PSMG2: variants seen among roughly 807,000 people sequenced by gnomAD.
PSMG2 encodes CD40 ligand-activated specific transcript 3.
Under a neutral mutation model 31.5 loss-of-function variants are expected in PSMG2, and 21 were observed. The ratio of observed to expected loss-of-function variants is 0.67; its 90% CI spans 0.47 to 0.96. The LOEUF (loss-of-function observed/expected upper bound fraction) is 0.96, where lower values mean the gene tolerates loss of function less well. Ranked by LOEUF, PSMG2 falls within the 40% of genes least tolerant of loss-of-function variation. The pLI is 0.00. For synonymous variants in PSMG2, 120 were observed against 110.4 expected, an observed-to-expected ratio of 1.09 and a Z score of -0.54; for missense variants, 318 against 321.2, an observed-to-expected ratio of 0.99 and a Z score of 0.08.
chr18:12,673,276 T>C (rs2038993863), intron 1 of PSMG2: 7 of 1,485,768 alleles, frequency 4.7e-6, no homozygotes, highest in Non-Finnish European at 6.2e-6. Flanking sequence ...ATTGTGATTT[T>C]AAAATAACAA....
At chr18:12,699,063 G>A (rs1331514489), upstream of PSMG2, 4 of 1,613,942 alleles carry the variant, frequency 2.5e-6, no homozygotes, top group Non-Finnish European at 3.4e-6. Flanking sequence ...GAACGAAAAC[G>A]TTGGTTTCGA....
intron 5 of PSMG2, among the ~76,000 whole-genome samples, chr18:12,722,723 A>G (rs1288651739): frequency 6.6e-6 from 1 of 152,262 alleles, no homozygotes; most frequent in Non-Finnish European, 1.5e-5. Flanking sequence ...CAAATAAAAA[A>G]GTAATAATAA....
chr18:12,703,459 C>T (rs2040222681), intron 1 of PSMG2, among the ~76,000 whole-genome samples: 1 of 152,198 alleles, frequency 6.6e-6, no homozygotes, highest in African/African-American at 2.4e-5. Flanking sequence ...GGGCATCCTT[C>T]AGTTTTATCC....
At chr18:12,672,009 A>G (rs12971256) in intron 1 of PSMG2, among the ~76,000 whole-genome samples, 59,252 of 151,272 alleles carry the variant, frequency 0.39, 12,006 homozygotes, top group Non-Finnish European at 0.45. Context: ...TAGTAGAGAC[A>G]GGGTTTCACT....
At position 12,725,554 on chromosome 18, in the gene PSMG2, A is replaced by AC; in HGVS notation, c.*23_*24insC. 6.6e-7 allele frequency: 1 copy of AC among 1,525,460 alleles called. No homozygotes were observed. Among genetic ancestry groups the AC allele is most frequent in the Non-Finnish European group, 9.1e-7 (1 of 1,104,140 alleles). The allele number at this position is 1,525,460 out of a possible 1,614,324, so 94.5% of individuals were successfully genotyped here. A position where few individuals can be genotyped will look rare whatever the true frequency, so the allele number is the denominator to read the frequency against. ...TGATCTAATTTCTGTTTTATACCTT[A>AC]TACCCAAAACACTTACTACCAACAC... On this transcript the variant is annotated 3_prime_UTR_variant, in exon 7 of 7. Transcript: ENST00000317615.
intron 1 of PSMG2, chr18:12,695,227 A>C (rs750194575): frequency 1.0e-5 from 11 of 1,067,874 alleles, no homozygotes; most frequent in Middle Eastern, 2.3e-4. Flanking sequence ...CAAACACACA[A>C]AAAAAGAGAA....
intron 1 of PSMG2, chr18:12,684,707 T>A (rs997031281): frequency 1.3e-5 from 2 of 151,804 alleles, no homozygotes; most frequent in African/African-American, 4.8e-5. Context: ...GTTCTAGAAC[T>A]CCCGACCACA....
chr18:12,688,387 A>T (rs1395142058), intron 1 of PSMG2, among the ~76,000 whole-genome samples: 10 of 152,174 alleles, frequency 6.6e-5, no homozygotes, highest in Non-Finnish European at 1.5e-4. Context: ...AGAATAATGA[A>T]TTTTTAAGTA....
intron 3 of PSMG2, among the ~76,000 whole-genome samples, chr18:12,718,012 CT>C (rs71174131): frequency 0.015 from 2,086 of 136,380 alleles, 43 homozygotes; most frequent in East Asian, 0.078. Flanking sequence ...TTTCTTTTTT[CT>C]TTTTTTTTTT....
At chr18:12,690,050 A>C (rs1216821167) in intron 1 of PSMG2, among the ~76,000 whole-genome samples, 1 of 151,982 alleles carries the variant, frequency 6.6e-6, no homozygotes, top group African/African-American at 2.4e-5. Flanking sequence ...CGGCCTCCCC[A>C]AGTGCTGGGA....
At chr18:12,724,385 G>A (rs1473076896) in intron 5 of PSMG2, 114 bp from the exon 6 acceptor site, 7 of 1,057,794 alleles carry the variant, frequency 6.6e-6, no homozygotes, top group South Asian at 4.0e-5. Flanking sequence ...TTATGGTGTG[G>A]CGTCTTTTCC....
At chr18:12,720,898 G>A (rs550950602) in intron 5 of PSMG2, among the ~76,000 whole-genome samples, 14 of 152,186 alleles carry the variant, frequency 9.2e-5, no homozygotes, top group Non-Finnish European at 1.6e-4. Context: ...GGGCACGGTG[G>A]CTCACACTTG....
intron 1 of PSMG2, among the ~76,000 whole-genome samples, chr18:12,675,257 G>C (rs1173958169): frequency 3.3e-5 from 5 of 152,052 alleles, no homozygotes; most frequent in Admixed American, 3.3e-4. Flanking sequence ...TGAGTTGGGC[G>C]TGGTGGCGGG....
At chr18:12,671,909 C>CATCACAA (rs2038957482) in intron 1 of PSMG2, among the ~76,000 whole-genome samples, 1 of 152,134 alleles carries the variant, frequency 6.6e-6, no homozygotes, top group South Asian at 2.1e-4. Flanking sequence ...CAACCTCCGC[C>CATCACAA]TCCCAGGTTC....
chr18:12,673,257 T>C, intron 1 of PSMG2: 2 of 1,463,370 alleles, frequency 1.4e-6, no homozygotes, highest in Non-Finnish European at 1.8e-6. Context: ...AGTATGCCAT[T>C]CAAGCCAGAT....
chr18:12,719,328 C>CA (rs2040407708), intron 4 of PSMG2, among the ~76,000 whole-genome samples: 1 of 152,182 alleles, frequency 6.6e-6, no homozygotes, highest in Non-Finnish European at 1.5e-5. Context: ...TATAAGCTAT[C>CA]ATTACCACAT....
intron 5 of PSMG2, among the ~76,000 whole-genome samples, chr18:12,722,685 A>G (rs867627224): frequency 6.6e-6 from 1 of 152,362 alleles, no homozygotes; most frequent in African/African-American, 2.4e-5. Context: ...TAAAATACTC[A>G]GTTGTATCAA....
chr18:12,665,776 C>A (rs2038789841), intron 1 of PSMG2, among the ~76,000 whole-genome samples: 1 of 152,164 alleles, frequency 6.6e-6, no homozygotes, highest in Non-Finnish European at 1.5e-5. Context: ...CTGCTTACTG[C>A]AACCTCTGCC....
intron 1 of PSMG2, chr18:12,674,388 G>A (rs2039045857): frequency 9.9e-6 from 6 of 603,648 alleles, no homozygotes; most frequent in Non-Finnish European, 1.7e-5. Context: ...GCTACAGTGA[G>A]CCATAACTGT....
Sources: gnomAD v4.1 joint callset for allele counts (sites outside exome capture counted in the v4.1 genomes callset) on GRCh38, gnomAD v4.1.1 for gene constraint, MANE v1.5 for transcripts, NCBI Gene and HGNC (gene_info 2026-07-23, HGNC 2026-07-21) for gene names.